Variants in HSD17B3 observed in about 807,000 individuals in gnomAD.
HSD17B3 encodes the protein hydroxysteroid 17-beta dehydrogenase 3.
Under a neutral mutation model 41.1 loss-of-function variants are expected in HSD17B3, and 29 were observed. That is an observed-to-expected ratio of 0.71 (90% CI 0.53 to 0.96). HSD17B3 has a LOEUF of 0.96. Ranked by LOEUF, HSD17B3 falls within the 40% of genes least tolerant of loss-of-function variation. The pLI is 0.00. For synonymous variants in HSD17B3, 126 were observed against 145.6 expected (o/e 0.87, Z 0.97); for missense variants, 323 against 374.6 (o/e 0.86, Z 1.14).
intron 2 of HSD17B3, among the ~76,000 whole-genome samples, chr9:96,273,515 C>T (rs973018484): frequency 6.6e-6 from 1 of 152,204 alleles, no homozygotes; most frequent in Non-Finnish European, 1.5e-5. Context: ...CCACAGACAT[C>T]TGCCTCTTTT....
intron 2 of HSD17B3, among the ~76,000 whole-genome samples, chr9:96,277,433 G>T (rs1826508432): frequency 6.6e-6 from 1 of 152,004 alleles, no homozygotes; most frequent in Non-Finnish European, 1.5e-5. Flanking sequence ...TTTTTCAAAA[G>T]AAAACATACA....
At chr9:96,248,609 G>A (rs1448715796) in intron 6 of HSD17B3, among the ~76,000 whole-genome samples, 1 of 152,218 alleles carries the variant, frequency 6.6e-6, no homozygotes, top group Non-Finnish European at 1.5e-5. Context: ...TGTGTACTGA[G>A]CAAGGTGTGG....
At chr9:96,280,203 A>G (rs1826634051) in intron 2 of HSD17B3, among the ~76,000 whole-genome samples, 1 of 152,192 alleles carries the variant, frequency 6.6e-6, no homozygotes, top group South Asian at 2.1e-4. Flanking sequence ...TTTTCAGGTT[A>G]ACTTAGGAAT....
intron 9 of HSD17B3, among the ~76,000 whole-genome samples, chr9:96,242,289 C>T (rs796991279): frequency 3.3e-5 from 5 of 152,298 alleles, no homozygotes; most frequent in African/African-American, 9.6e-5. Flanking sequence ...TATTTTCATT[C>T]TTAAGTGATT....
chr9:96,298,790 C>G (rs1827465742), intron 1 of HSD17B3, among the ~76,000 whole-genome samples: 1 of 152,118 alleles, frequency 6.6e-6, no homozygotes, highest in African/African-American at 2.4e-5. Context: ...CTGCAGGCCC[C>G]ATGAGGATGC....
chr9:96,256,013 G>A (rs758791108), intron 2 of HSD17B3, among the ~76,000 whole-genome samples: 1 of 152,202 alleles, frequency 6.6e-6, no homozygotes, highest in Non-Finnish European at 1.5e-5. Flanking sequence ...ACCTAAAACT[G>A]CTACCAGTGA....
At position 96,252,835 on chromosome 9, in the gene HSD17B3, T is replaced by C. The variant is rs1825474809; in HGVS notation, c.353A>G (p.Glu118Gly). 1.2e-6 allele frequency: 2 copies of C among 1,612,900 alleles called. No individual in the cohort carries two copies. The highest frequency in any genetic ancestry group is 1.7e-6 in the Non-Finnish European group (2 of 1,178,878). The stretch of plus-strand genomic sequence containing the variant: ...TCCAATTTCTAAGCCTGCAAGTTTT[T>C]CTTTAATATGCTCGTAGATGTCATC... ...TKDDIYEHIKEKLAGLEIGIL... is the reference protein window; with the variant it reads ...TKDDIYEHIKGKLAGLEIGIL... The change falls in exon 4 of 11, where the codon GAA becomes GGA. Residue 118 changes from glutamate (E) to glycine (G), a missense_variant. By Grantham distance (98) the Glu-to-Gly change is moderately conservative. Transcript: ENST00000375263.
chr9:96,235,578 A>T lies in HSD17B3; in HGVS notation c.823-8T>A. 6.2e-7 allele frequency: 1 copy of T among 1,609,948 alleles called. No individual in the cohort carries two copies. Among genetic ancestry groups the T allele is most frequent in the Non-Finnish European group, 8.5e-7 (1 of 1,176,606 alleles). On this transcript the variant is annotated splice_region_variant and splice_polypyrimidine_tract_variant and intron_variant, in intron 10 of 10. Transcript: ENST00000375263. ...CAGGCTCAGAAAGCCCGCCTTAAAC[A>T]GAGAGAAGCATCAGTGTTGGGGAGG...
At chr9:96,294,538 T>C (rs537107789) in intron 2 of HSD17B3, among the ~76,000 whole-genome samples, 1 of 152,334 alleles carries the variant, frequency 6.6e-6, no homozygotes, top group East Asian at 1.9e-4. Context: ...AGTCTTGCGA[T>C]AGCAAGGGAC....
chr9:96,246,645 G>C, intron 6 of HSD17B3, 55 bp from the exon 7 acceptor site: 1 of 1,523,562 alleles, frequency 6.6e-7, no homozygotes, highest in Admixed American at 1.7e-5. Context: ...CAGTGCAAGG[G>C]GGCGGGATGG....
chr9:96,291,458 A>G (rs1827153777), intron 2 of HSD17B3, among the ~76,000 whole-genome samples: 1 of 151,436 alleles, frequency 6.6e-6, no homozygotes, highest in South Asian at 2.1e-4. Context: ...TCCCACAGCA[A>G]TGTCAGTATG....
At chr9:96,287,543 T>C (rs1408174336) in intron 2 of HSD17B3, among the ~76,000 whole-genome samples, 1 of 151,910 alleles carries the variant, frequency 6.6e-6, no homozygotes, top group Non-Finnish European at 1.5e-5. Flanking sequence ...ACCCCATCTC[T>C]ACTAAAAATA....
chr9:96,250,229 G>A, intron 5 of HSD17B3: 1 of 1,121,514 alleles, frequency 8.9e-7, no homozygotes, highest in South Asian at 3.6e-5. Context: ...CAAAGATAAA[G>A]AGAAAGGACA....
At chr9:96,254,997 G>T in intron 2 of HSD17B3, 54 bp from the exon 3 acceptor site, 1 of 1,488,316 alleles carries the variant, frequency 6.7e-7, no homozygotes, top group Non-Finnish European at 9.3e-7. Flanking sequence ...GACAGGGAGG[G>T]CTTGTGTTAA....
At position 96,240,801 on chromosome 9, in the gene HSD17B3, G is replaced by A. The variant is rs753148618; in HGVS notation, c.779C>T (p.Thr260Ile). Residue 260 changes from threonine to isoleucine, a missense_variant, in exon 10 of 11, where the codon ACA (threonine) becomes ATA (isoleucine). Thr to Ile is a moderately conservative substitution (Grantham distance 89). Coordinates refer to ENST00000375263, the MANE Select transcript of HSD17B3 (RefSeq NM_000197.2). ...EFVKESLNYV[T>I]IGGETCGCLA... ...GCAGCCACAGGTTTCACCTCCAATT[G>A]TGACATAATTCAATGACTCTTTGAC... The A allele has an allele frequency of 6.8e-6, 11 of 1,614,050 alleles. 1 individual carries two copies. In the South Asian group the frequency reaches 9.9e-5, roughly 14 times the overall value.
At chr9:96,290,222 A>G (rs972693990) in intron 2 of HSD17B3, among the ~76,000 whole-genome samples, 4 of 152,088 alleles carry the variant, frequency 2.6e-5, no homozygotes, top group African/African-American at 9.7e-5. Context: ...TTCTTTTAAC[A>G]GGAAGCAAAG....
rs200821190 is a variant in HSD17B3 at position 96,283,717 on chromosome 9, C to CA, written c.201+14698dup. On this transcript the variant is annotated intron_variant, in intron 2 of 10. Transcript: ENST00000375263. ...CTGTCCTAAAACTTTTTGTCATCCA[C>CA]AAAAAAAATTGTTGTCTTGTTTTGG... Among the ~76,000 whole-genome samples, 48 of 150,898 alleles carry CA rather than the reference C, an allele frequency of 3.2e-4. No individual in the cohort carries two copies. The East Asian group carries it at 7.7e-3, about 24-fold the overall frequency.
At chr9:96,239,243 C>T (rs4269659) in intron 10 of HSD17B3, 73,355 of 152,158 alleles carry the variant, frequency 0.48, 18,159 homozygotes, top group East Asian at 0.58. Context: ...CCTCTCCCAG[C>T]GCCACCTAGT....
intron 5 of HSD17B3, among the ~76,000 whole-genome samples, chr9:96,250,916 C>T (rs930562039): frequency 1.2e-4 from 18 of 151,168 alleles, no homozygotes; most frequent in African/African-American, 3.9e-4. Flanking sequence ...CTGTTAAATC[C>T]ATTAAAAATG....
Sources: allele counts gnomAD v4.1 joint callset (sites outside exome capture counted in the v4.1 genomes callset), GRCh38; gene constraint gnomAD v4.1.1; transcripts MANE v1.5; gene names NCBI Gene and HGNC (gene_info 2026-07-23, HGNC 2026-07-21).